TGFBR1: variants seen among roughly 807,000 people sequenced by gnomAD.
The protein encoded by TGFBR1 is TGF-beta receptor type-1.
TGFBR1 carries 20 observed loss-of-function variants against 55.1 expected under a neutral mutation model. The ratio of observed to expected loss-of-function variants is 0.36; its 90% CI spans 0.26 to 0.53. The LOEUF is 0.53. Ranked by LOEUF, TGFBR1 falls within the 20% of genes least tolerant of loss-of-function variation. The probability of loss-of-function intolerance (pLI) is 0.91; values close to 1 mark genes in which losing one functional copy is unlikely to be tolerated. For synonymous variants in TGFBR1, 220 were observed against 214.8 expected (o/e 1.02, Z -0.21); for missense variants, 385 against 617.6 (o/e 0.62, Z 3.99).
intron 1 of TGFBR1, among the ~76,000 whole-genome samples, chr9:99,124,889 TAC>T (rs1382028819): frequency 6.6e-6 from 1 of 152,150 alleles, no homozygotes; most frequent in East Asian, 1.9e-4. Flanking sequence ...AAAGGAGAAG[TAC>T]AGAGTGTATT....
At chr9:99,125,504 A>G (rs1468774574) in intron 1 of TGFBR1, among the ~76,000 whole-genome samples, 3 of 152,248 alleles carry the variant, frequency 2.0e-5, no homozygotes, top group African/African-American at 7.2e-5. Flanking sequence ...GCATATAATA[A>G]AGTACATATA....
intron 2 of TGFBR1, among the ~76,000 whole-genome samples, chr9:99,131,545 T>A (rs887302518): frequency 1.7e-4 from 26 of 152,266 alleles, no homozygotes; most frequent in African/African-American, 6.0e-4. Flanking sequence ...CAGAAAATCT[T>A]AATTATTAAT....
rs1437993240 is a variant in TGFBR1 at position 99,152,769 on chromosome 9, C to G, written c.*3464C>G. 4.4e-6 allele frequency: 1 copy of G among 229,762 alleles called. No homozygotes were observed. The highest frequency in any genetic ancestry group is 2.2e-5 in the African/African-American group (1 of 45,134). 14.2% of individuals were successfully genotyped at this position (229,762 alleles called of 1,614,324 possible). The stretch of plus-strand genomic sequence containing the variant: ...TTAACACTTTGGCAGAAAATGCCAG[C>G]TCAGATATTTTGAGATACTAAGGAT... On this transcript the variant is annotated 3_prime_UTR_variant, in exon 9 of 9. Transcript: ENST00000374994.
chr9:99,137,797 C>A (rs2118704985), intron 3 of TGFBR1, 62 bp from the exon 4 acceptor site: 1 of 1,403,196 alleles, frequency 7.1e-7, no homozygotes, highest in Non-Finnish European at 1.0e-6. Context: ...TAGTGCCTAT[C>A]ATGATGTTTG....
intron 2 of TGFBR1, among the ~76,000 whole-genome samples, chr9:99,131,747 T>C (rs1442092876): frequency 6.6e-6 from 1 of 152,126 alleles, no homozygotes; most frequent in Admixed American, 6.5e-5. Flanking sequence ...GGTAGGTGGA[T>C]CACTTGAGGT....
intron 4 of TGFBR1, 139 bp from the exon 5 acceptor site, chr9:99,142,397 A>C: frequency 2.2e-6 from 2 of 892,656 alleles, no homozygotes; most frequent in South Asian, 3.1e-5. Context: ...TGTAGAAGAA[A>C]ATGTGAAGGA....
At position 99,133,447 on chromosome 9, in the gene TGFBR1, A is replaced by T. The variant is rs934223687; in HGVS notation, c.574+708A>T. On this transcript the variant is annotated intron_variant, in intron 3 of 8. Transcript: ENST00000374994. ...TTGGCATAGCAGTGCTTCATGTTTA[A>T]ACTGAAAGGGGGTTATCTTTTACTT... 5.9e-5 allele frequency among the ~76,000 whole-genome samples: 9 copies of T among 152,320 alleles called. No individual in the cohort carries two copies. In the East Asian group the frequency reaches 9.6e-4, roughly 16 times the overall value.
intron 1 of TGFBR1, among the ~76,000 whole-genome samples, chr9:99,107,442 A>G (rs995790489): frequency 6.6e-6 from 1 of 152,200 alleles, no homozygotes; most frequent in Non-Finnish European, 1.5e-5. Context: ...GTCTATATGT[A>G]TATCCCATCT....
chr9:99,129,115 AT>A lies in TGFBR1; in HGVS notation c.343+22del. The A allele has an allele frequency of 6.2e-7, 1 of 1,613,346 alleles. No homozygotes were observed. Reference sequence around the variant, plus strand: ...TCCAACTACTGGTAAGTTGTATAAAATTTTTTTCCTAGATACTACAAGAAAA... The same window carrying A: ...TCCAACTACTGGTAAGTTGTATAAAATTTTTTCCTAGATACTACAAGAAAA... On this transcript the variant is annotated intron_variant, in intron 2 of 8. Coordinates refer to ENST00000374994, the MANE Select transcript of TGFBR1 (RefSeq NM_004612.4).
Position 99,137,871 on chromosome 9 carries a change from T to C in TGFBR1, c.587T>C (p.Leu196Pro), listed in dbSNP as rs886038998. The C allele has an allele frequency of 6.2e-7, 1 of 1,613,918 alleles. No homozygotes were observed. The highest frequency in any genetic ancestry group is 1.7e-4 in the Middle Eastern group (1 of 6,056). ...TSGSGSGLPL[L>P]VQRTIARTIV... ...TTTTTACCTTTAGGTTTACCATTGC[T>C]TGTTCAGAGAACAATTGCGAGAACT... The change falls in exon 4 of 9, where the codon CTT becomes CCT. Residue 196 changes from leucine (L) to proline (P), a missense_variant. This residue lies in a region of TGFBR1 where 85 missense variants were observed against 228.4 expected (regional missense o/e 0.37). Coordinates refer to ENST00000374994, the MANE Select transcript of TGFBR1 (RefSeq NM_004612.4).
At chr9:99,134,322 A>G (rs1308162134) in intron 3 of TGFBR1, among the ~76,000 whole-genome samples, 1 of 152,196 alleles carries the variant, frequency 6.6e-6, no homozygotes, top group Non-Finnish European at 1.5e-5. Context: ...ACTGGAGCTC[A>G]CGTCCCAGAA....
chr9:99,108,718 A>G (rs922937347), intron 1 of TGFBR1, among the ~76,000 whole-genome samples: 3 of 152,002 alleles, frequency 2.0e-5, no homozygotes, highest in African/African-American at 7.3e-5. Flanking sequence ...CTGGCAAGTT[A>G]CTCTTCAGAG....
At chr9:99,138,396 T>C (rs989637850) in intron 4 of TGFBR1, among the ~76,000 whole-genome samples, 8 of 152,232 alleles carry the variant, frequency 5.3e-5, no homozygotes, top group Non-Finnish European at 8.8e-5. Context: ...ACTCATGATA[T>C]AGAAAAGATA....
chr9:99,141,703 T>G (rs1036739819), intron 4 of TGFBR1, among the ~76,000 whole-genome samples: 1 of 152,238 alleles, frequency 6.6e-6, no homozygotes, highest in African/African-American at 2.4e-5. Context: ...CATGGCTTAA[T>G]TAAGCATGTG....
At chr9:99,144,173 T>A (rs952626307) in intron 5 of TGFBR1, among the ~76,000 whole-genome samples, 2 of 152,240 alleles carry the variant, frequency 1.3e-5, no homozygotes, top group Admixed American at 6.5e-5. Context: ...TGAATTACTG[T>A]ATCATATGAT....
At chr9:99,133,220 T>G (rs188584405) in intron 3 of TGFBR1, among the ~76,000 whole-genome samples, 41 of 152,346 alleles carry the variant, frequency 2.7e-4, no homozygotes, top group Admixed American at 7.2e-4. Flanking sequence ...TATATGAAAT[T>G]GTCTTTCGTA....
In TGFBR1 at chr9:99,105,280, G is replaced by T; in HGVS notation, c.75G>T (p.Ala25=). 1 of 1,002,844 alleles carries T rather than the reference G, an allele frequency of 1.0e-6. No individual in the cohort carries two copies. The highest frequency in any genetic ancestry group is 1.2e-6 in the Non-Finnish European group (1 of 842,714). The allele number at this position is 1,002,844 out of a possible 1,614,324, so 62.1% of individuals were successfully genotyped here. ...TGGCGGCGGCGGCGGCGGCGGCGGC[G>T]GCGCTGCTCCCGGGGGCGACGGGTG... ...LVLAAAAAAA[A]ALLPGATALQ... The change falls in exon 1 of 9, where the codon GCG becomes GCT. Residue 25 remains alanine (A), a synonymous_variant. Coordinates refer to ENST00000374994, the MANE Select transcript of TGFBR1 (RefSeq NM_004612.4).
At chr9:99,106,278 T>TG (rs371215206) in intron 1 of TGFBR1, among the ~76,000 whole-genome samples, 59 of 152,286 alleles carry the variant, frequency 3.9e-4, no homozygotes, top group African/African-American at 1.3e-3. Flanking sequence ...TAAATCAGGT[T>TG]GGGGTAGGTG....
chr9:99,142,669 T>C lies in TGFBR1; in HGVS notation c.939T>C (p.Leu313=). The change falls in exon 5 of 9, where the codon CTT becomes CTC. Residue 313 remains leucine (L), a synonymous_variant. Coordinates refer to ENST00000374994, the MANE Select transcript of TGFBR1 (RefSeq NM_004612.4). Reference sequence around the variant, plus strand: ...TTGCTCTGTCCACGGCGAGCGGTCTTGCCCATCTTCACATGGAGATTGTTG... The same window carrying C: ...TTGCTCTGTCCACGGCGAGCGGTCTCGCCCATCTTCACATGGAGATTGTTG... The part of the protein sequence containing the change: ...IKLALSTASG[L]AHLHMEIVGT... 6.2e-7 allele frequency: 1 copy of C among 1,614,128 alleles called. No individual in the cohort carries two copies. Among genetic ancestry groups the C allele is most frequent in the Non-Finnish European group, 8.5e-7 (1 of 1,179,952 alleles).
Sources: gnomAD v4.1 joint callset for allele counts (sites outside exome capture counted in the v4.1 genomes callset) on GRCh38, gnomAD v4.1.1 for gene constraint, gnomAD v4.1.1 regional missense constraint, MANE v1.5 for transcripts, NCBI Gene and HGNC (gene_info 2026-07-23, HGNC 2026-07-21) for gene names.